ZNF177: variants seen among roughly 807,000 people sequenced by gnomAD.
ZNF177 encodes zinc finger protein 177.
ZNF177 carries 17 observed loss-of-function variants against 19.4 expected under a neutral mutation model. That is an observed-to-expected ratio of 0.87 (90% confidence interval 0.60 to 1.31). The LOEUF (loss-of-function observed/expected upper bound fraction) is 1.31, where lower values mean the gene tolerates loss of function less well. Among genes scored for constraint, ZNF177 ranks in the 40% most tolerant of loss-of-function variants. ZNF177 has a pLI of 0.00. For missense variants in ZNF177, 633 were observed against 561.8 expected (o/e 1.13, Z -1.28); for synonymous variants, 220 against 188.7 (o/e 1.17, Z -1.36).
At chr19:9,379,246 A>G in intron 3 of ZNF177, 158 bp downstream of exon 5, 1 of 1,274,148 alleles carries the variant, frequency 7.8e-7, no homozygotes, top group East Asian at 2.6e-5. Context: ...TCCCATGAAA[A>G]TGCACTGATT....
chr19:9,381,855 A>G, exon 6 of ZNF177: 1 of 1,514,096 alleles, frequency 6.6e-7, no homozygotes, highest in Non-Finnish European at 8.8e-7. Context: ...AAGCCCTGTT[A>G]TGGTCACCTG....
intron 2 of ZNF177, among the ~76,000 whole-genome samples, chr19:9,367,179 G>A (rs2067991486): frequency 6.6e-6 from 1 of 152,108 alleles, no homozygotes; most frequent in Non-Finnish European, 1.5e-5. Context: ...ACATAGCTGG[G>A]TGTGGTGGCA....
At chr19:9,363,597 T>C (rs553091693) in intron 1 of ZNF177, among the ~76,000 whole-genome samples, 1 of 152,314 alleles carries the variant, frequency 6.6e-6, no homozygotes, top group South Asian at 2.1e-4. Context: ...AGGTTTATTT[T>C]TGAAAGTCAA....
At chr19:9,379,771 C>A (rs1380805606) in intron 4 of ZNF177, 152 bp downstream of exon 6, 5 of 981,852 alleles carry the variant, frequency 5.1e-6, no homozygotes, top group Non-Finnish European at 7.2e-6. Flanking sequence ...TTCATTTGGT[C>A]TCCGAGAAAG....
At chr19:9,372,651 A>G (rs536682742), upstream of ZNF177, among the ~76,000 whole-genome samples, 2 of 147,638 alleles carry the variant, frequency 1.4e-5, no homozygotes, top group African/African-American at 2.6e-5. Context: ...GGTTCAAGCA[A>G]TTCTCCTGCC....
chr19:9,371,451 T>C (rs2068046156), upstream of ZNF177, among the ~76,000 whole-genome samples: 1 of 152,340 alleles, frequency 6.6e-6, no homozygotes, highest in East Asian at 1.9e-4. Flanking sequence ...AACCTGGTTA[T>C]CTTTGTATTT....
At chr19:9,371,919 C>G (rs753794910), upstream of ZNF177, among the ~76,000 whole-genome samples, 57 of 152,206 alleles carry the variant, frequency 3.7e-4, 1 homozygote, top group Non-Finnish European at 4.7e-4. Context: ...GTATCTTAAT[C>G]TATATCCATT....
At chr19:9,375,155 C>T (rs1390968226), upstream of ZNF177, among the ~76,000 whole-genome samples, 1 of 152,102 alleles carries the variant, frequency 6.6e-6, no homozygotes, top group African/African-American at 2.4e-5. Context: ...TTTTGCGTAT[C>T]TTGAACTATC....
chr19:9,377,376 AAAG>A (rs1012971261), intron 1 of ZNF177, among the ~76,000 whole-genome samples: 14 of 152,168 alleles, frequency 9.2e-5, no homozygotes, highest in Non-Finnish European at 1.6e-4. Flanking sequence ...ACTTACTAAA[AAAG>A]AAAAGTTAAC....
At chr19:9,371,424 G>T (rs2068045961), upstream of ZNF177, among the ~76,000 whole-genome samples, 1 of 152,004 alleles carries the variant, frequency 6.6e-6, no homozygotes, top group African/African-American at 2.4e-5. Flanking sequence ...TTGCTGACTG[G>T]TTTGTTTTCA....
intron 2 of ZNF177, chr19:9,378,705 G>A: frequency 1.8e-6 from 1 of 566,680 alleles, no homozygotes; most frequent in Non-Finnish European, 2.9e-6. Flanking sequence ...CAACCTAACT[G>A]TGCAAAGATC....
intron 5 of ZNF177, 169 bp from the exon 8 acceptor site, chr19:9,380,499 C>T: frequency 3.7e-6 from 5 of 1,353,020 alleles, no homozygotes; most frequent in Non-Finnish European, 5.0e-6. Flanking sequence ...GCTTATTCAA[C>T]TCGAAAAAGC....
chr19:9,369,211 T>G (rs1032388653), intron 2 of ZNF177, among the ~76,000 whole-genome samples: 6 of 152,130 alleles, frequency 3.9e-5, no homozygotes, highest in Non-Finnish European at 7.4e-5. Flanking sequence ...TATCCTTTTT[T>G]TCATATGATC....
intron 5 of ZNF177, 128 bp downstream of exon 7, chr19:9,380,267 G>C (rs1166855632): frequency 3.4e-6 from 4 of 1,175,952 alleles, no homozygotes; most frequent in Admixed American, 3.4e-5. Context: ...AAGCTGTCTC[G>C]GGAGAGTTTG....
chr19:9,374,801 A>G (rs1369878664), upstream of ZNF177, among the ~76,000 whole-genome samples: 1 of 152,116 alleles, frequency 6.6e-6, no homozygotes, highest in East Asian at 1.9e-4. Context: ...GTCATCTACA[A>G]ACATAATTTT....
chr19:9,378,964 C>T, exon 3 of ZNF177: 1 of 1,605,242 alleles, frequency 6.2e-7, no homozygotes, highest in Non-Finnish European at 8.5e-7. Flanking sequence ...TGTTTTAGAA[C>T]TCAGTAACCT....
At chr19:9,373,319 A>G (rs542419176), upstream of ZNF177, among the ~76,000 whole-genome samples, 1 of 152,272 alleles carries the variant, frequency 6.6e-6, no homozygotes, top group South Asian at 2.1e-4. Context: ...CACTGTGTGT[A>G]TATATATGAC....
At chr19:9,372,888 G>A (rs886192722), upstream of ZNF177, among the ~76,000 whole-genome samples, 1 of 151,968 alleles carries the variant, frequency 6.6e-6, no homozygotes, top group Non-Finnish European at 1.5e-5. Context: ...CTTTCTTGAG[G>A]TATAATTGAC....
chr19:9,381,478 C>T, exon 6 of ZNF177: 1 of 1,611,854 alleles, frequency 6.2e-7, no homozygotes, highest in Non-Finnish European at 8.5e-7. Flanking sequence ...TCAGTCATCC[C>T]TTAAGAAACA....
Sources: allele counts gnomAD v4.1 joint callset (sites outside exome capture counted in the v4.1 genomes callset), GRCh38; gene constraint gnomAD v4.1.1; transcripts MANE v1.5; gene names NCBI Gene and HGNC (gene_info 2026-07-23, HGNC 2026-07-21).